NOL11: variants seen among roughly 807,000 people sequenced by gnomAD.
The protein encoded by NOL11 is nucleolar protein 11.
In NOL11, 42 loss-of-function variants were observed where a neutral mutation model predicts 93.0. That is an observed-to-expected ratio of 0.45 (90% confidence interval 0.35 to 0.58). The LOEUF (loss-of-function observed/expected upper bound fraction) is 0.58, where lower values mean the gene tolerates loss of function less well. Among genes scored for constraint, NOL11 ranks in the 20% least tolerant of loss-of-function variants. The pLI is 0.00. For synonymous variants in NOL11, 296 were observed against 293.7 expected (o/e 1.01, Z -0.08); for missense variants, 775 against 841.8 (o/e 0.92, Z 0.98).
intron 10 of NOL11, 136 bp downstream of exon 10, chr17:67,736,890 C>A: frequency 1.3e-6 from 1 of 750,386 alleles, no homozygotes; most frequent in Non-Finnish European, 2.2e-6. Context: ...CGGCTTGAAC[C>A]CAGTAACCTC....
intron 8 of NOL11, 47 bp downstream of exon 8, chr17:67,734,486 G>GTGTTT (rs1175680539): frequency 7.7e-7 from 1 of 1,291,884 alleles, no homozygotes; most frequent in South Asian, 1.2e-5. Flanking sequence ...TTATTTTGTT[G>GTGTTT]TGTTTTGTTT....
Position 67,717,983 on chromosome 17 carries a change from G to C in NOL11, c.36G>C (p.Ser12=). The change falls in exon 1 of 18, where the codon TCG becomes TCC. Residue 12 remains serine (S), a synonymous_variant. Coordinates refer to ENST00000253247, the MANE Select transcript of NOL11 (RefSeq NM_015462.5). The stretch of plus-strand genomic sequence containing the variant: ...TGGAGGAAGAATTCACGTTGTCTTC[G>C]GTAGTCCTGAGCGCCGGGCCTGAAG... ...AALEEEFTLS[S]VVLSAGPEGL... The C allele has an allele frequency of 6.2e-7, 1 of 1,614,252 alleles. No homozygotes were observed. The highest frequency in any genetic ancestry group is 8.5e-7 in the Non-Finnish European group (1 of 1,180,042).
chr17:67,740,251 G>A (rs1003109349), intron 16 of NOL11, among the ~76,000 whole-genome samples: 4 of 151,470 alleles, frequency 2.6e-5, no homozygotes, highest in African/African-American at 7.3e-5. Flanking sequence ...AAAAGCGGGG[G>A]GAATAAGAGA....
intron 3 of NOL11, among the ~76,000 whole-genome samples, chr17:67,720,668 G>C (rs2043211711): frequency 6.6e-6 from 1 of 152,184 alleles, no homozygotes; most frequent in South Asian, 2.1e-4. Flanking sequence ...ATGACTAGCT[G>C]TGCATGTTCT....
intron 4 of NOL11, 68 bp downstream of exon 4, chr17:67,721,594 C>G: frequency 7.4e-7 from 1 of 1,345,998 alleles, no homozygotes. Flanking sequence ...TTGCCTTGTT[C>G]AAAAGTATTT....
intron 16 of NOL11, among the ~76,000 whole-genome samples, chr17:67,740,288 A>G (rs960356727): frequency 1.3e-5 from 2 of 151,468 alleles, no homozygotes; most frequent in African/African-American, 4.8e-5. Context: ...AAATATTCCC[A>G]GAGAATCCCA....
At chr17:67,720,432 G>A (rs12951984) in intron 3 of NOL11, 23,787 of 152,310 alleles carry the variant, frequency 0.16, 2,414 homozygotes, top group South Asian at 0.23. Context: ...CTCCCGAGTA[G>A]CTGGGATTAC....
At chr17:67,718,784 G>A (rs1001027074) in intron 1 of NOL11, among the ~76,000 whole-genome samples, 5 of 152,178 alleles carry the variant, frequency 3.3e-5, no homozygotes, top group Non-Finnish European at 7.4e-5. Context: ...AAGAAGTTAG[G>A]TATCTGCTTT....
At chr17:67,735,529 T>G (rs141458656) in intron 8 of NOL11, among the ~76,000 whole-genome samples, 3 of 151,998 alleles carry the variant, frequency 2.0e-5, no homozygotes, top group African/African-American at 7.3e-5. Context: ...TCATAAAATA[T>G]AAAGTGTTAA....
intron 16 of NOL11, among the ~76,000 whole-genome samples, chr17:67,740,455 C>G (rs546023864): frequency 1.3e-5 from 2 of 151,498 alleles, no homozygotes; most frequent in Admixed American, 6.6e-5. Flanking sequence ...ACTAAAAATA[C>G]AAAATTAGCC....
intron 7 of NOL11, among the ~76,000 whole-genome samples, chr17:67,729,920 C>T (rs1407735665): frequency 6.6e-6 from 1 of 152,076 alleles, no homozygotes; most frequent in East Asian, 1.9e-4. Context: ...TTGACTTAGA[C>T]TTAGCCTAAT....
At chr17:67,730,228 T>C (rs2055139980) in intron 7 of NOL11, among the ~76,000 whole-genome samples, 1 of 152,198 alleles carries the variant, frequency 6.6e-6, no homozygotes, top group Admixed American at 6.5e-5. Context: ...TGCATGTATT[T>C]GTGTACCAGT....
chr17:67,737,073 A>G lies in NOL11; in HGVS notation c.1146A>G (p.Leu382=). 1 of 1,602,378 alleles carries G rather than the reference A, an allele frequency of 6.2e-7. No individual in the cohort carries two copies. The highest frequency in any genetic ancestry group is 1.3e-5 in the African/African-American group (1 of 74,848). ...FQNSEQSRRI[L]RRRKIEVSLQ... is the part of the protein sequence containing the mutation. ...CTAATCAATTTACTTAATTCCAGTT[A>G]AGGAGACGAAAAATTGAAGTGAGTT... The change falls in exon 11 of 18, where the codon TTA becomes TTG. Residue 382 remains leucine, a splice_region_variant and synonymous_variant. Coordinates refer to ENST00000253247, the MANE Select transcript of NOL11 (RefSeq NM_015462.5).
intron 6 of NOL11, 113 bp downstream of exon 6, chr17:67,724,306 GCTT>G (rs988604502): frequency 2.7e-5 from 15 of 559,898 alleles, no homozygotes; most frequent in Admixed American, 1.1e-4. Context: ...CCATTTCTGT[GCTT>G]CTTTACAGCG....
chr17:67,738,549 G>A, intron 14 of NOL11, 194 bp downstream of exon 14: 1 of 548,366 alleles, frequency 1.8e-6, no homozygotes. Flanking sequence ...AATTTAACTA[G>A]GCTGGGCATG....
chr17:67,723,967 G>C, intron 5 of NOL11, 82 bp from the exon 6 acceptor site: 2 of 918,792 alleles, frequency 2.2e-6, no homozygotes, highest in Non-Finnish European at 3.3e-6. Flanking sequence ...AGTAGAATGG[G>C]GTGACAACTT....
chr17:67,721,221 G>A (rs1374100153), intron 3 of NOL11, among the ~76,000 whole-genome samples, 157 bp from the exon 4 acceptor site: 2 of 152,156 alleles, frequency 1.3e-5, no homozygotes, highest in African/African-American at 4.8e-5. Context: ...TGTGTTTTGT[G>A]TTGTAGGTTA....
At chr17:67,727,620 G>A (rs1156815106) in intron 7 of NOL11, among the ~76,000 whole-genome samples, 1 of 151,592 alleles carries the variant, frequency 6.6e-6, no homozygotes, top group Non-Finnish European at 1.5e-5. Flanking sequence ...TCACACCATT[G>A]CACTCCAGCC....
chr17:67,727,227 C>T (rs1275825871), intron 7 of NOL11, among the ~76,000 whole-genome samples: 4 of 152,246 alleles, frequency 2.6e-5, no homozygotes, highest in East Asian at 1.9e-4. Context: ...AGTCCCTTCA[C>T]AGCCTAGACC....
Sources: gnomAD v4.1 joint callset for allele counts (sites outside exome capture counted in the v4.1 genomes callset) on GRCh38, gnomAD v4.1.1 for gene constraint, MANE v1.5 for transcripts, NCBI Gene and HGNC (gene_info 2026-07-23, HGNC 2026-07-21) for gene names.